The following MAGI1 variants were observed in gnomAD, a reference collection of about 807,000 sequenced individuals.
MAGI1 encodes membrane associated guanylate kinase, WW and PDZ domain containing 1, also known as membrane-associated guanylate kinase, WW and PDZ domain-containing protein 1.
A neutral mutation model predicts 139.9 loss-of-function variants in MAGI1; 58 were observed. The observed-to-expected ratio is 0.41, with a 90% confidence interval of 0.34 to 0.52. MAGI1 has a LOEUF of 0.52. Ranked by LOEUF, MAGI1 falls within the 20% of genes least tolerant of loss-of-function variation. The pLI, the probability that MAGI1 is intolerant of heterozygous loss-of-function variation, is 0.12. For missense variants in MAGI1, 1,874 were observed against 1,901.6 expected (o/e 0.99, Z 0.27); for synonymous variants, 812 against 737.9 (o/e 1.10, Z -1.63).
intron 1 of MAGI1, among the ~76,000 whole-genome samples, chr3:65,805,522 C>T (rs1433970174): frequency 6.6e-6 from 1 of 152,208 alleles, no homozygotes; most frequent in Non-Finnish European, 1.5e-5. Context: ...TTGTGGAAGA[C>T]AGTGTGGCGA....
chr3:65,878,351 G>A (rs967859566), intron 1 of MAGI1, among the ~76,000 whole-genome samples: 1 of 151,802 alleles, frequency 6.6e-6, no homozygotes, highest in South Asian at 2.1e-4. Flanking sequence ...ACCTCGTCTC[G>A]ACAGAAATAC....
chr3:65,687,494 GCTC>G (rs2088158549), intron 1 of MAGI1: 1 of 383,800 alleles, frequency 2.6e-6, no homozygotes, highest in Non-Finnish European at 5.3e-6. Context: ...TCAGGACCCA[GCTC>G]CTGATTCTGC....
intron 1 of MAGI1, among the ~76,000 whole-genome samples, chr3:65,929,114 G>A (rs954556844): frequency 6.6e-6 from 1 of 151,284 alleles, no homozygotes; most frequent in African/African-American, 2.4e-5. Flanking sequence ...TGATCCTGCC[G>A]GTGCACCCCA....
intron 1 of MAGI1, among the ~76,000 whole-genome samples, chr3:65,747,016 C>A (rs4389510): frequency 0.26 from 39,336 of 152,158 alleles, 6,385 homozygotes; most frequent in East Asian, 0.43. Flanking sequence ...AGAGTGAGAT[C>A]TAAGCCAGGC....
intron 1 of MAGI1, among the ~76,000 whole-genome samples, chr3:65,670,204 T>C (rs1312978109): frequency 6.6e-6 from 1 of 152,088 alleles, no homozygotes; most frequent in Non-Finnish European, 1.5e-5. Context: ...TTAGTATGAG[T>C]TTCTTGTGGG....
intron 1 of MAGI1, among the ~76,000 whole-genome samples, chr3:65,778,881 C>A (rs190640561): frequency 6.6e-6 from 1 of 152,252 alleles, no homozygotes; most frequent in South Asian, 2.1e-4. Context: ...GACAGTTATA[C>A]CCCCCAGGGG....
At chr3:65,825,487 T>A (rs1358385629) in intron 1 of MAGI1, among the ~76,000 whole-genome samples, 1 of 152,156 alleles carries the variant, frequency 6.6e-6, no homozygotes, top group East Asian at 1.9e-4. Flanking sequence ...AATCGGCAAG[T>A]GCTATAAATC....
At chr3:65,664,677 C>T (rs529507151) in intron 1 of MAGI1, among the ~76,000 whole-genome samples, 3 of 152,264 alleles carry the variant, frequency 2.0e-5, no homozygotes, top group African/African-American at 7.2e-5. Context: ...AGCACTTTCA[C>T]GACATTTTAT....
chr3:65,816,029 A>G (rs754207994), intron 1 of MAGI1, among the ~76,000 whole-genome samples: 7 of 152,200 alleles, frequency 4.6e-5, no homozygotes, highest in Non-Finnish European at 8.8e-5. Context: ...ATTGTCTACA[A>G]TGGTAGTTGT....
intron 1 of MAGI1, among the ~76,000 whole-genome samples, chr3:65,676,055 T>C (rs1462122054): frequency 1.3e-5 from 2 of 152,188 alleles, no homozygotes; most frequent in South Asian, 2.1e-4. Flanking sequence ...ATGTGATAAA[T>C]TGAGTTCATA....
intron 1 of MAGI1, among the ~76,000 whole-genome samples, chr3:65,959,866 C>T (rs1451058661): frequency 5.8e-5 from 7 of 120,724 alleles, no homozygotes; most frequent in Admixed American, 3.6e-4. Flanking sequence ...AGTGCAGTGG[C>T]GCAAACTCGG....
intron 1 of MAGI1, among the ~76,000 whole-genome samples, chr3:66,000,020 T>G: frequency 7.2e-6 from 1 of 137,992 alleles, no homozygotes; most frequent in East Asian, 2.3e-4. Flanking sequence ...TCCCCCAGGC[T>G]GGAGTGCAGT....
At chr3:65,684,910 A>G (rs1485542055) in intron 1 of MAGI1, among the ~76,000 whole-genome samples, 4 of 102,122 alleles carry the variant, frequency 3.9e-5, no homozygotes, top group East Asian at 3.1e-4. Flanking sequence ...TAGAGATGAG[A>G]TTTTGCTATG....
chr3:65,413,092 A>AT (rs398105957), intron 12 of MAGI1, among the ~76,000 whole-genome samples: 1 of 151,472 alleles, frequency 6.6e-6, no homozygotes, highest in Admixed American at 6.6e-5. Flanking sequence ...ATGAAAAAAA[A>AT]TCTCAGATCC....
chr3:65,982,006 G>T (rs73833312), intron 1 of MAGI1, among the ~76,000 whole-genome samples: 1 of 152,156 alleles, frequency 6.6e-6, no homozygotes, highest in Non-Finnish European at 1.5e-5. Flanking sequence ...CTCGTAAGTC[G>T]AGGCATCTGT....
At chr3:65,802,978 T>C (rs1649961724) in intron 1 of MAGI1, among the ~76,000 whole-genome samples, 1 of 152,010 alleles carries the variant, frequency 6.6e-6, no homozygotes, top group Admixed American at 6.6e-5. Context: ...AAGACATCCA[T>C]GTAACCAACA....
At chr3:65,548,511 CTTTTTTT>C (rs1170215972) in intron 2 of MAGI1, among the ~76,000 whole-genome samples, 59 of 87,386 alleles carry the variant, frequency 6.8e-4, no homozygotes, top group South Asian at 2.0e-3. Flanking sequence ...AAACAACACT[CTTTTTTT>C]TTTTTTTTTT....
chr3:65,968,094 G>A (rs956893817), intron 1 of MAGI1, among the ~76,000 whole-genome samples: 4 of 152,108 alleles, frequency 2.6e-5, no homozygotes, highest in African/African-American at 9.7e-5. Flanking sequence ...GTAAATGAGA[G>A]ACAGAAATGG....
intron 1 of MAGI1, among the ~76,000 whole-genome samples, chr3:65,774,096 A>C (rs1577070083): frequency 9.5e-6 from 1 of 105,500 alleles, no homozygotes; most frequent in Non-Finnish European, 1.9e-5. Flanking sequence ...CCCCAGATCC[A>C]CTGGCTAGTT....
Sources: allele counts gnomAD v4.1 joint callset (sites outside exome capture counted in the v4.1 genomes callset), GRCh38; gene constraint gnomAD v4.1.1; transcripts MANE v1.5; gene names NCBI Gene and HGNC (gene_info 2026-07-23, HGNC 2026-07-21).